DGKK: variants seen among roughly 807,000 people sequenced by gnomAD.
DGKK encodes 142 kDa diacylglycerol kinase.
In DGKK, 35 loss-of-function variants were observed where a neutral mutation model predicts 92.2. That is an observed-to-expected ratio of 0.38 (90% CI 0.29 to 0.50). DGKK has a LOEUF of 0.50. Among genes scored for constraint, DGKK ranks in the 20% least tolerant of loss-of-function variants. DGKK has a pLI of 0.92. For synonymous variants in DGKK, 368 were observed against 360.6 expected (o/e 1.02, Z -0.23); for missense variants, 910 against 992.2 (o/e 0.92, Z 1.11).
intron 7 of DGKK, among the ~76,000 whole-genome samples, chrX:50,401,797 T>C (rs1251665341): frequency 9.1e-6 from 1 of 110,475 alleles, no homozygotes; most frequent in Non-Finnish European, 1.9e-5. Flanking sequence ...AAGAAGCCCA[T>C]ACTTCAGTTT....
chrX:50,435,822 G>A (rs1926008510), intron 1 of DGKK, among the ~76,000 whole-genome samples: 2 of 111,557 alleles, frequency 1.8e-5, no homozygotes, highest in Non-Finnish European at 3.8e-5. Context: ...ACCAGTGGTA[G>A]GTGAGAGCAG....
chrX:50,405,510 A>T (rs1185511125), intron 4 of DGKK, among the ~76,000 whole-genome samples: 1 of 106,603 alleles, frequency 9.4e-6, no homozygotes, highest in Non-Finnish European at 1.9e-5. Flanking sequence ...TCTTTCTGAC[A>T]TCAGTTGACA....
intron 1 of DGKK, among the ~76,000 whole-genome samples, chrX:50,446,930 C>T (rs782308319): frequency 1.1e-3 from 125 of 110,170 alleles, no homozygotes; most frequent in African/African-American, 3.5e-3. Context: ...TGTGCATGTA[C>T]GCTGACTGGT....
At chrX:50,388,215 G>A (rs1291668458) in intron 13 of DGKK, among the ~76,000 whole-genome samples, 1 of 111,939 alleles carries the variant, frequency 8.9e-6, no homozygotes, top group African/African-American at 3.2e-5. Flanking sequence ...TGTCAAAGAC[G>A]GAAAGCAAGG....
chrX:50,444,978 C>T (rs1178798681), intron 1 of DGKK, among the ~76,000 whole-genome samples: 1 of 110,750 alleles, frequency 9.0e-6, no homozygotes, highest in Non-Finnish European at 1.9e-5. Context: ...TTTTTAATAG[C>T]CATTCTGACT....
At chrX:50,418,700 A>G (rs1557228817) in intron 4 of DGKK, among the ~76,000 whole-genome samples, 1 of 111,765 alleles carries the variant, frequency 8.9e-6, no homozygotes, top group Non-Finnish European at 1.9e-5. Context: ...AGAAGTTGTG[A>G]TTACAACCTG....
At chrX:50,416,734 C>T (rs1557228579) in intron 4 of DGKK, among the ~76,000 whole-genome samples, 3 of 111,303 alleles carry the variant, frequency 2.7e-5, no homozygotes, top group South Asian at 3.8e-4. Context: ...ATACTTATGC[C>T]GGGACAAGTG....
intron 3 of DGKK, among the ~76,000 whole-genome samples, chrX:50,421,770 T>A (rs1481212495): frequency 8.9e-6 from 1 of 111,993 alleles, no homozygotes; most frequent in Non-Finnish European, 1.9e-5. Context: ...TCTGCAGCTC[T>A]TTAGTCTGTT....
At chrX:50,400,090 G>A (rs922058341) in intron 8 of DGKK, among the ~76,000 whole-genome samples, 3 of 111,705 alleles carry the variant, frequency 2.7e-5, no homozygotes, top group Non-Finnish European at 3.8e-5. Flanking sequence ...CTTCATTCCC[G>A]TTTACAGATG....
At position 50,365,566 on chromosome X, in the gene DGKK, C is replaced by A. The variant is rs1020112308; in HGVS notation, c.*3374G>T. The A allele has an allele frequency of 1.8e-5, 2 of 110,990 alleles. No homozygotes were observed. Among genetic ancestry groups the A allele is most frequent in the Non-Finnish European group, 3.8e-5 (2 of 52,988 alleles). The allele number at this position is 110,990 out of a possible 1,213,427, so 9.1% of individuals were successfully genotyped here. ...CATGTAAATACCCCAGCTTCCTCCCCCAACCAGCCCCTGGCCCTGCTGCTT... is the reference window on the plus strand; with the variant it reads ...CATGTAAATACCCCAGCTTCCTCCCACAACCAGCCCCTGGCCCTGCTGCTT... On this transcript the variant is annotated 3_prime_UTR_variant, in exon 28 of 28. Transcript: ENST00000611977.
intron 1 of DGKK, among the ~76,000 whole-genome samples, chrX:50,445,294 G>A (rs12557277): frequency 0.28 from 30,582 of 109,270 alleles, 3,332 homozygotes; most frequent in Admixed American, 0.41. Context: ...ATTAGATCCC[G>A]TTTGTCAAAT....
intron 23 of DGKK, 35 bp from the exon 24 acceptor site, chrX:50,376,200 A>G: frequency 2.5e-6 from 3 of 1,199,112 alleles, no homozygotes; most frequent in Non-Finnish European, 3.4e-6. Flanking sequence ...ATGAGTTGGG[A>G]TTTCTGAAGG....
chrX:50,378,236 C>T lies in DGKK; in HGVS notation c.2977-4G>A, dbSNP rs1378563995. 1 of 1,204,705 alleles carries T rather than the reference C, an allele frequency of 8.3e-7. No individual in the cohort carries two copies. The highest frequency in any genetic ancestry group is 1.1e-6 in the Non-Finnish European group (1 of 893,083). On this transcript the variant is annotated splice_polypyrimidine_tract_variant and splice_region_variant and intron_variant, in intron 21 of 27. Transcript: ENST00000611977. Reference sequence around the variant, plus strand: ...TGGTTATCATCACCTCATGGCACTGCCAGAGAAAATGAGGAAGAATGGGAG... The same window carrying T: ...TGGTTATCATCACCTCATGGCACTGTCAGAGAAAATGAGGAAGAATGGGAG...
intron 1 of DGKK, among the ~76,000 whole-genome samples, chrX:50,464,905 C>A (rs1452107481): frequency 9.0e-6 from 1 of 111,236 alleles, no homozygotes; most frequent in East Asian, 2.8e-4. Context: ...TCAAAAGAAA[C>A]CCTGTACTCT....
intron 10 of DGKK, 57 bp from the exon 11 acceptor site, chrX:50,391,633 A>T: frequency 8.6e-7 from 1 of 1,161,223 alleles, no homozygotes; most frequent in Non-Finnish European, 1.2e-6. Context: ...AGCTTCACCC[A>T]TGAAGGAACC....
In DGKK at chrX:50,371,811, A is replaced by G. The variant is rs368873220; in HGVS notation, c.3525T>C (p.Thr1175=). Residue 1175 remains threonine, a synonymous_variant, in exon 26 of 28, where the codon ACT becomes ACC. Transcript: ENST00000611977. ...EKLLRSAEDE[T]ALQSALDAMN... Reference sequence around the variant, plus strand: ...TGGCATCCAGGGCGCTTTGTAGTGCAGTCTCATCCTCAGCACTTCTCAGCT... The same window carrying G: ...TGGCATCCAGGGCGCTTTGTAGTGCGGTCTCATCCTCAGCACTTCTCAGCT... 4.2e-6 allele frequency: 5 copies of G among 1,199,994 alleles called. No individual in the cohort carries two copies. Among genetic ancestry groups the G allele is most frequent in the Non-Finnish European group, 5.6e-6 (5 of 887,777 alleles).
intron 8 of DGKK, among the ~76,000 whole-genome samples, chrX:50,400,646 C>A (rs1924976986): frequency 8.9e-6 from 1 of 111,748 alleles, no homozygotes; most frequent in African/African-American, 3.3e-5. Flanking sequence ...ATGTTAGTTT[C>A]ATATTTAGGA....
Position 50,470,221 on chromosome X carries a change from GGCTCTGGGGCCA to G in DGKK, c.446_457del (p.Leu149_Glu152del). On this transcript the variant is annotated inframe_deletion, in exon 1 of 28. Coordinates refer to ENST00000611977, the MANE Select transcript of DGKK (RefSeq NM_001013742.4). ...CAGCTCTGTCACAGGTTCTGGGGTC[GGCTCTGGGGCCA>G]GCTCTGGGGCAACTTCTGGAGTCAG... The G allele has an allele frequency of 2.5e-6, 3 of 1,211,364 alleles. No homozygotes were observed. The highest frequency in any genetic ancestry group is 3.4e-6 in the Non-Finnish European group (3 of 895,281).
rs1237430018 is a variant in DGKK at position 50,401,286 on chromosome X, C to T, written c.1309-147G>A. The T allele has an allele frequency of 7.9e-6, 4 of 507,874 alleles. No homozygotes were observed. The East Asian group carries it at 1.5e-4, about 19-fold the overall frequency. 41.9% of individuals were successfully genotyped at this position (507,874 alleles called of 1,213,427 possible). Reference sequence around the variant, plus strand: ...TTTGGTGCCATACATATATCCCTAACTCACCTGAACACCCCCATTCTACTC... The same window carrying T: ...TTTGGTGCCATACATATATCCCTAATTCACCTGAACACCCCCATTCTACTC... On this transcript the variant is annotated intron_variant, in intron 7 of 27. Coordinates refer to ENST00000611977, the MANE Select transcript of DGKK (RefSeq NM_001013742.4).
Sources: gnomAD v4.1 joint callset for allele counts (sites outside exome capture counted in the v4.1 genomes callset) on GRCh38, gnomAD v4.1.1 for gene constraint, MANE v1.5 for transcripts, NCBI Gene and HGNC (gene_info 2026-07-23, HGNC 2026-07-21) for gene names.